HECW1: variants seen among roughly 807,000 people sequenced by gnomAD.
The protein encoded by HECW1 is E3 ubiquitin-protein ligase HECW1.
Under a neutral mutation model 182.3 loss-of-function variants are expected in HECW1, and 61 were observed. The ratio of observed to expected loss-of-function variants is 0.33; its 90% CI spans 0.27 to 0.41. The LOEUF is 0.41. Among genes scored for constraint, HECW1 ranks in the 10% least tolerant of loss-of-function variants. The pLI is 1.00. For missense variants in HECW1, 1,739 were observed against 2,108.9 expected (o/e 0.82, Z 3.44); for synonymous variants, 859 against 832.6 (o/e 1.03, Z -0.55).
chr7:43,467,081 A>G (rs1285146566), intron 15 of HECW1, among the ~76,000 whole-genome samples: 1 of 152,192 alleles, frequency 6.6e-6, no homozygotes, highest in Non-Finnish European at 1.5e-5. Context: ...GCATGATATC[A>G]CTATATTCAT....
intron 2 of HECW1, among the ~76,000 whole-genome samples, chr7:43,212,011 G>C (rs896435580): frequency 6.6e-6 from 1 of 151,220 alleles, no homozygotes; most frequent in Non-Finnish European, 1.5e-5. Flanking sequence ...ACAAGGCAAA[G>C]AGAGCACTGT....
chr7:43,488,712 G>T (rs1309545934), intron 17 of HECW1, among the ~76,000 whole-genome samples: 1 of 152,130 alleles, frequency 6.6e-6, no homozygotes, highest in East Asian at 1.9e-4. Context: ...CTTCATCGCT[G>T]TCCATTCCTG....
rs1419086947 is a variant in HECW1, at chr7:43,267,288, C to T, written c.27+23356C>T. On this transcript the variant is annotated intron_variant, in intron 3 of 29. Transcript: ENST00000395891. ...GAGAAATTATTGAAGGCACATTTTCCGATCACAATACAATTAGACATTAAT... is the reference window on the plus strand; with the variant it reads ...GAGAAATTATTGAAGGCACATTTTCTGATCACAATACAATTAGACATTAAT... 4.6e-5 allele frequency among the ~76,000 whole-genome samples: 7 copies of T among 151,902 alleles called. No individual in the cohort carries two copies. In the East Asian group the frequency reaches 5.8e-4, roughly 13 times the overall value.
chr7:43,251,354 G>A lies in HECW1; in HGVS notation c.27+7422G>A, dbSNP rs1379815346. Reference sequence around the variant, plus strand: ...AGATGGAGTCTCACTCTATCACCCAGACTGGAGTGCGATAGCGCGGCCTTG... The same window carrying A: ...AGATGGAGTCTCACTCTATCACCCAAACTGGAGTGCGATAGCGCGGCCTTG... On this transcript the variant is annotated intron_variant, in intron 3 of 29. Transcript: ENST00000395891. Among the ~76,000 whole-genome samples, 3 of 152,092 alleles carry A rather than the reference G, an allele frequency of 2.0e-5. No homozygotes were observed. The East Asian group carries it at 5.8e-4, about 29-fold the overall frequency.
At chr7:43,456,012 A>C (rs1028487232) in intron 12 of HECW1, among the ~76,000 whole-genome samples, 1 of 152,160 alleles carries the variant, frequency 6.6e-6, no homozygotes, top group Non-Finnish European at 1.5e-5. Context: ...AAAAGAAAAA[A>C]AAAAAGAAAG....
At position 43,408,857 on chromosome 7, in the gene HECW1, A is replaced by G. The variant is rs923376231; in HGVS notation, c.801+1126A>G. Among the ~76,000 whole-genome samples, 3 of 152,108 alleles carry G rather than the reference A, an allele frequency of 2.0e-5. No individual in the cohort carries two copies. In the East Asian group the frequency reaches 5.8e-4, roughly 29 times the overall value. On this transcript the variant is annotated intron_variant, in intron 8 of 29. Coordinates refer to ENST00000395891, the MANE Select transcript of HECW1 (RefSeq NM_015052.5). ...AAAGTACAGTTTTACAGTCATAGAA[A>G]CCTGGATTCTAATCCCAGTGTGGCC...
rs971239873 is a variant in HECW1 at position 43,431,605 on chromosome 7, G to T, written c.802-6398G>T. On this transcript the variant is annotated intron_variant, in intron 8 of 29. Coordinates refer to ENST00000395891, the MANE Select transcript of HECW1 (RefSeq NM_015052.5). The stretch of plus-strand genomic sequence containing the variant: ...GCCTCAGTGGCTTCTCTACACTGCA[G>T]ATCTGAGTGTGTCATTTGCATGGTG... 2.0e-5 allele frequency among the ~76,000 whole-genome samples: 3 copies of T among 152,336 alleles called. No homozygotes were observed. The East Asian group carries it at 5.8e-4, about 29-fold the overall frequency.
intron 16 of HECW1, among the ~76,000 whole-genome samples, chr7:43,473,486 C>T (rs1003640247): frequency 6.6e-6 from 1 of 151,958 alleles, no homozygotes; most frequent in African/African-American, 2.4e-5. Context: ...AATCAAATAC[C>T]TAAGTATAAA....
intron 2 of HECW1, among the ~76,000 whole-genome samples, chr7:43,121,459 G>A (rs1352616666): frequency 6.6e-6 from 1 of 152,082 alleles, no homozygotes; most frequent in Non-Finnish European, 1.5e-5. Context: ...ACCCTCTGTG[G>A]CAGCCAAGCA....
At chr7:43,436,367 T>C (rs1372410376) in intron 8 of HECW1, among the ~76,000 whole-genome samples, 8 of 152,142 alleles carry the variant, frequency 5.3e-5, no homozygotes, top group Non-Finnish European at 1.5e-5. Flanking sequence ...CTTTTAATTT[T>C]CACGTGTGTT....
chr7:43,556,518 C>T (rs764847839), intron 29 of HECW1, among the ~76,000 whole-genome samples: 4 of 152,028 alleles, frequency 2.6e-5, no homozygotes, highest in Non-Finnish European at 4.4e-5. Flanking sequence ...AAGACCTCGT[C>T]TCTACAAAAA....
chr7:43,461,864 A>G (rs1320773766), intron 13 of HECW1, among the ~76,000 whole-genome samples: 1 of 152,224 alleles, frequency 6.6e-6, no homozygotes, highest in Non-Finnish European at 1.5e-5. Context: ...CTCTCCAGAT[A>G]AAATAAAACT....
intron 2 of HECW1, among the ~76,000 whole-genome samples, chr7:43,213,923 A>C (rs921221327): frequency 6.6e-6 from 1 of 152,114 alleles, no homozygotes; most frequent in East Asian, 1.9e-4. Flanking sequence ...TAAAGTTTCT[A>C]TGTGATCAAA....
chr7:43,220,917 G>A (rs576305276), intron 2 of HECW1, among the ~76,000 whole-genome samples: 1 of 152,328 alleles, frequency 6.6e-6, no homozygotes, highest in Admixed American at 6.5e-5. Flanking sequence ...GCCTCCCTGT[G>A]CAGACCATGT....
rs2075757577 is a variant in HECW1 at position 43,410,278 on chromosome 7, G to T, written c.801+2547G>T. Among the ~76,000 whole-genome samples the T allele has an allele frequency of 2.6e-5, 4 of 152,192 alleles. No homozygotes were observed. The South Asian group carries it at 8.3e-4, about 32-fold the overall frequency. The stretch of plus-strand genomic sequence containing the variant: ...AGGATGCTGGCACGGTTGGGTTCTG[G>T]TGAGGGCCTCTTTGGGGATGCAGAT... On this transcript the variant is annotated intron_variant, in intron 8 of 29. Transcript: ENST00000395891.
intron 2 of HECW1, among the ~76,000 whole-genome samples, chr7:43,203,432 T>C (rs1795188937): frequency 6.6e-6 from 1 of 152,052 alleles, no homozygotes; most frequent in East Asian, 1.9e-4. Context: ...AGGATAAGGA[T>C]ATTTTTTGTT....
chr7:43,310,113 TA>T (rs1311749263), intron 3 of HECW1, among the ~76,000 whole-genome samples: 1 of 152,248 alleles, frequency 6.6e-6, no homozygotes. Flanking sequence ...TGTAATACTG[TA>T]AGATGGTATT....
chr7:43,122,922 C>T (rs551353516), intron 2 of HECW1, among the ~76,000 whole-genome samples: 16 of 152,090 alleles, frequency 1.1e-4, no homozygotes, highest in Non-Finnish European at 1.5e-4. Context: ...TTATTTATTC[C>T]GAAAACATTT....
intron 2 of HECW1, among the ~76,000 whole-genome samples, chr7:43,202,133 A>C (rs978060722): frequency 2.6e-5 from 4 of 152,218 alleles, no homozygotes; most frequent in African/African-American, 9.7e-5. Context: ...GTAGATGTGA[A>C]AGCCAAGGGC....
Sources: gnomAD v4.1 joint callset for allele counts (sites outside exome capture counted in the v4.1 genomes callset) on GRCh38, gnomAD v4.1.1 for gene constraint, MANE v1.5 for transcripts, NCBI Gene and HGNC (gene_info 2026-07-23, HGNC 2026-07-21) for gene names.